Variants in CDK14 observed in about 807,000 individuals in gnomAD.
CDK14 encodes cyclin-dependent kinase 14.
CDK14 carries 34 observed loss-of-function variants against 60.7 expected under a neutral mutation model. That is an observed-to-expected ratio of 0.56 (90% CI 0.43 to 0.75). The LOEUF (loss-of-function observed/expected upper bound fraction) is 0.75. Ranked by LOEUF, CDK14 falls within the 30% of genes least tolerant of loss-of-function variation. CDK14 has a pLI of 0.00. For missense variants in CDK14, 482 were observed against 564.1 expected (o/e 0.85, Z 1.47); for synonymous variants, 197 against 203.7 (o/e 0.97, Z 0.28).
At chr7:90,629,494 G>T (rs1799947754) in intron 2 of CDK14, among the ~76,000 whole-genome samples, 2 of 152,148 alleles carry the variant, frequency 1.3e-5, no homozygotes, top group Admixed American at 6.5e-5. Flanking sequence ...GTGGGTCTCA[G>T]TAGGAGTGGT....
In CDK14 at chr7:90,649,398, T is replaced by TTCCTTCCTTCCTTCCTTCCTTCC. The variant is rs1563030139; in HGVS notation, c.123+45150_123+45151insCCTTCCTTCCTTCCTTCCTTCCT. ...CCTTCCTTCCTTCCTTCCTTCCTTC[T>TTCCTTCCTTCCTTCCTTCCTTCC]TTCTTTCTTTCTTTCTTTCTTTCCT... On this transcript the variant is annotated intron_variant, in intron 2 of 14. Transcript: ENST00000380050. 1.4e-4 allele frequency among the ~76,000 whole-genome samples: 5 copies of TTCCTTCCTTCCTTCCTTCCTTCC among 36,386 alleles called. 1 individual carries two copies. Among genetic ancestry groups the TTCCTTCCTTCCTTCCTTCCTTCC allele is most frequent in the South Asian group, 2.3e-3 (2 of 878 alleles). The allele number at this position is 36,386 out of a possible 152,430, so 23.9% of individuals were successfully genotyped here.
rs575699029 is a variant in CDK14 at position 91,126,705 on chromosome 7, T to C, written c.*28+8497T>C. Among the ~76,000 whole-genome samples, 8 of 152,330 alleles carry C rather than the reference T, an allele frequency of 5.3e-5. No individual in the cohort carries two copies. In the South Asian group the frequency reaches 1.7e-3, roughly 32 times the overall value. On this transcript the variant is annotated intron_variant, in intron 14 of 14. Transcript: ENST00000380050. The stretch of plus-strand genomic sequence containing the variant: ...AAATCAGTAATTACAGAGCCAGGCA[T>C]TCAGTTGTGTCCTAATTTTCCCACC...
chr7:90,959,750 G>A (rs371512652), intron 9 of CDK14, among the ~76,000 whole-genome samples: 8 of 152,150 alleles, frequency 5.3e-5, no homozygotes, highest in African/African-American at 1.2e-4. Flanking sequence ...AGAGCTGGCC[G>A]TGTTACGATT....
intron 2 of CDK14, among the ~76,000 whole-genome samples, chr7:90,704,738 A>G (rs979254670): frequency 6.6e-6 from 1 of 152,164 alleles, no homozygotes; most frequent in Admixed American, 6.5e-5. Context: ...TGCATGACAT[A>G]TGGATAGGTT....
At chr7:90,729,344 G>T (rs1429052374) in intron 3 of CDK14, among the ~76,000 whole-genome samples, 36 of 45,170 alleles carry the variant, frequency 8.0e-4, no homozygotes, top group South Asian at 2.6e-3. Context: ...AGGTATCAAG[G>T]TTTTTTTTTT....
intron 12 of CDK14, among the ~76,000 whole-genome samples, chr7:91,102,700 C>T (rs186479230): frequency 5.9e-5 from 9 of 151,614 alleles, no homozygotes; most frequent in Non-Finnish European, 1.2e-4. Flanking sequence ...GGATCAACTT[C>T]CTTCCCACTT....
chr7:90,952,333 A>G (rs930541684), intron 8 of CDK14, among the ~76,000 whole-genome samples: 25 of 152,290 alleles, frequency 1.6e-4, no homozygotes, highest in African/African-American at 6.0e-4. Context: ...TAAGATAACC[A>G]TCTTATAGAG....
In CDK14 at chr7:91,066,336, A is replaced by AC. The variant is rs1277740541; in HGVS notation, c.1106-13090dup. On this transcript the variant is annotated intron_variant, in intron 11 of 14. Coordinates refer to ENST00000380050, the MANE Select transcript of CDK14 (RefSeq NM_001287135.2). ...GAGCCTTTTTATGATCCTTCTATGG[A>AC]CCCCCCTCTTTGTCTGCTCACTCCC... is the stretch of plus-strand genomic sequence containing the variant. Among the ~76,000 whole-genome samples, 4 of 151,856 alleles carry AC rather than the reference A, an allele frequency of 2.6e-5. 1 individual carries two copies. The highest frequency in any genetic ancestry group is 4.2e-4 in the South Asian group (2 of 4,808).
Position 90,690,963 on chromosome 7 carries a change from G to GACC in CDK14, c.124-35599_124-35597dup, listed in dbSNP as rs541819249. The stretch of plus-strand genomic sequence containing the variant: ...CAATGATAAGTTTAATTAGAAATGT[G>GACC]ACCACCATTCCCTTGGTGCTCAGTT... On this transcript the variant is annotated intron_variant, in intron 2 of 14. Transcript: ENST00000380050. Among the ~76,000 whole-genome samples, 302 of 152,226 alleles carry GACC rather than the reference G, an allele frequency of 2.0e-3. 1 individual carries two copies. The highest frequency in any genetic ancestry group is 7.1e-3 in the African/African-American group (294 of 41,542).
At chr7:90,852,393 T>A (rs539928773) in intron 5 of CDK14, among the ~76,000 whole-genome samples, 1 of 152,224 alleles carries the variant, frequency 6.6e-6, no homozygotes, top group Non-Finnish European at 1.5e-5. Flanking sequence ...GATAAGTCAC[T>A]CTACCCTTTA....
chr7:90,947,393 C>T (rs924534249), intron 8 of CDK14, among the ~76,000 whole-genome samples: 2 of 152,180 alleles, frequency 1.3e-5, no homozygotes, highest in African/African-American at 4.8e-5. Flanking sequence ...GATAGCACTA[C>T]CTGCATTTTC....
chr7:90,861,214 A>G (rs1433242658), intron 5 of CDK14, among the ~76,000 whole-genome samples: 1 of 151,948 alleles, frequency 6.6e-6, no homozygotes, highest in Non-Finnish European at 1.5e-5. Context: ...CAATGGGGGA[A>G]AAAAAAGATT....
intron 9 of CDK14, among the ~76,000 whole-genome samples, chr7:90,960,197 G>A (rs1225135188): frequency 1.3e-5 from 2 of 151,948 alleles, no homozygotes; most frequent in Non-Finnish European, 2.9e-5. Context: ...TTAAAATAGG[G>A]TGACTAAGTC....
chr7:90,639,180 G>A (rs534774946), intron 2 of CDK14, among the ~76,000 whole-genome samples: 27 of 152,324 alleles, frequency 1.8e-4, no homozygotes, highest in African/African-American at 6.0e-4. Context: ...GTGAGGAACT[G>A]CGTTCCTTTG....
chr7:90,645,262 A>G (rs567153798), intron 2 of CDK14, among the ~76,000 whole-genome samples: 18 of 152,250 alleles, frequency 1.2e-4, no homozygotes, highest in African/African-American at 4.1e-4. Context: ...TTCAGGTATT[A>G]ATATTTTGAT....
intron 12 of CDK14, among the ~76,000 whole-genome samples, chr7:91,095,004 A>G (rs1329480077): frequency 1.3e-5 from 2 of 152,244 alleles, no homozygotes; most frequent in Non-Finnish European, 2.9e-5. Flanking sequence ...GTCATGGAAC[A>G]TTCAAGAAAT....
chr7:90,673,321 G>T (rs955758928), intron 2 of CDK14, among the ~76,000 whole-genome samples: 1 of 152,206 alleles, frequency 6.6e-6, no homozygotes, highest in African/African-American at 2.4e-5. Flanking sequence ...ATTGGGGAAA[G>T]AAGAGGGAGT....
At chr7:90,745,712 C>A (rs919471963) in intron 3 of CDK14, among the ~76,000 whole-genome samples, 4 of 152,156 alleles carry the variant, frequency 2.6e-5, no homozygotes, top group African/African-American at 9.7e-5. Context: ...CCGTGCTCAG[C>A]CTATTTAAAG....
At chr7:90,932,056 A>G (rs1176026319) in intron 8 of CDK14, among the ~76,000 whole-genome samples, 1 of 152,208 alleles carries the variant, frequency 6.6e-6, no homozygotes, top group Admixed American at 6.5e-5. Context: ...GCAAATTTGG[A>G]TATTTTTAGG....
Sources: gnomAD v4.1 joint callset for allele counts (sites outside exome capture counted in the v4.1 genomes callset) on GRCh38, gnomAD v4.1.1 for gene constraint, MANE v1.5 for transcripts, NCBI Gene and HGNC (gene_info 2026-07-23, HGNC 2026-07-21) for gene names.